The following MAPK10 variants were observed in gnomAD, a reference collection of about 807,000 sequenced individuals.
The protein encoded by MAPK10 is mitogen-activated protein kinase 10.
MAPK10 carries 25 observed loss-of-function variants against 59.3 expected under a neutral mutation model. That is an observed-to-expected ratio of 0.42 (90% CI 0.31 to 0.59). The LOEUF (loss-of-function observed/expected upper bound fraction) is 0.59, where lower values mean the gene tolerates loss of function less well. Among genes scored for constraint, MAPK10 ranks in the 20% least tolerant of loss-of-function variants. The pLI is 0.15. For missense variants in MAPK10, 351 were observed against 568.9 expected (o/e 0.62, Z 3.90); for synonymous variants, 190 against 200.5 (o/e 0.95, Z 0.44).
At chr4:86,078,014 T>G (rs1187090076) in intron 9 of MAPK10, among the ~76,000 whole-genome samples, 1 of 152,178 alleles carries the variant, frequency 6.6e-6, no homozygotes, top group East Asian at 1.9e-4. Context: ...ACTTGAATAT[T>G]CGTAACGCAG....
At chr4:86,250,099 T>C (rs2093335972) in intron 2 of MAPK10, among the ~76,000 whole-genome samples, 1 of 152,196 alleles carries the variant, frequency 6.6e-6, no homozygotes. Flanking sequence ...AAGAGGATGA[T>C]GGACTAAAAA....
At chr4:86,413,236 C>T (rs1442551653) in intron 1 of MAPK10, among the ~76,000 whole-genome samples, 1 of 152,166 alleles carries the variant, frequency 6.6e-6, no homozygotes, top group African/African-American at 2.4e-5. Flanking sequence ...CCAGCAGAGA[C>T]TGCAGAACAG....
intron 1 of MAPK10, among the ~76,000 whole-genome samples, chr4:86,546,556 T>TA (rs11386733): frequency 0.7 from 96,100 of 136,862 alleles, 33,288 homozygotes; most frequent in South Asian, 0.83. Flanking sequence ...AAACTCCTTC[T>TA]AAAAAAAAAA....
At chr4:86,560,031 C>T (rs370566381) in intron 1 of MAPK10, among the ~76,000 whole-genome samples, 98 of 151,346 alleles carry the variant, frequency 6.5e-4, no homozygotes, top group Non-Finnish European at 1.3e-3. Context: ...CACTAAATAT[C>T]ATGTTGTATT....
In MAPK10 at chr4:86,287,732, A is replaced by G. The variant is rs138551710; in HGVS notation, c.-7+66798T>C. 6.1e-3 allele frequency among the ~76,000 whole-genome samples: 925 copies of G among 152,316 alleles called. 13 individuals are homozygous for G. Among genetic ancestry groups the G allele is most frequent in the African/African-American group, 0.021 (882 of 41,570 alleles). ...AGAAAACCCAATCACTACCAGAAAT[A>G]ATTCAAGTTAGGATAATGTTCAATA... On this transcript the variant is annotated intron_variant, in intron 2 of 13. Transcript: ENST00000641462.
chr4:86,548,757 CCA>C (rs899780271), intron 1 of MAPK10, among the ~76,000 whole-genome samples: 4 of 152,132 alleles, frequency 2.6e-5, no homozygotes, highest in African/African-American at 9.7e-5. Context: ...ACTCTCAGTG[CCA>C]CTCTGACCCT....
chr4:86,079,355 T>G (rs539492512), intron 9 of MAPK10: 50 of 152,222 alleles, frequency 3.3e-4, no homozygotes, highest in Non-Finnish European at 5.7e-4. Context: ...TGGAGAGACA[T>G]GTAACATATA....
chr4:86,206,753 T>C (rs1434764216), intron 2 of MAPK10, among the ~76,000 whole-genome samples: 1 of 152,198 alleles, frequency 6.6e-6, no homozygotes, highest in African/African-American at 2.4e-5. Context: ...TGGTGTGAGA[T>C]GGTATCTCAT....
At chr4:86,162,550 A>G (rs2070149395) in intron 3 of MAPK10, among the ~76,000 whole-genome samples, 1 of 151,962 alleles carries the variant, frequency 6.6e-6, no homozygotes. Context: ...CCTTTGTGAT[A>G]GTTTTTACCA....
chr4:86,040,033 G>A (rs565905260), intron 11 of MAPK10, among the ~76,000 whole-genome samples: 2 of 152,252 alleles, frequency 1.3e-5, no homozygotes, highest in East Asian at 3.9e-4. Flanking sequence ...CCCAGACAAA[G>A]CCAGTCTGCA....
chr4:86,267,275 A>C (rs1029005325), intron 2 of MAPK10, among the ~76,000 whole-genome samples: 2 of 152,198 alleles, frequency 1.3e-5, no homozygotes, highest in African/African-American at 4.8e-5. Context: ...GCCAAAATAA[A>C]GTTTCTAACA....
chr4:86,390,964 T>C (rs1742107671), intron 1 of MAPK10, among the ~76,000 whole-genome samples: 1 of 152,372 alleles, frequency 6.6e-6, no homozygotes, highest in African/African-American at 2.4e-5. Flanking sequence ...ACATAATTGC[T>C]ATCTGAGAAG....
At chr4:86,328,033 G>A (rs555701374) in intron 2 of MAPK10, among the ~76,000 whole-genome samples, 3 of 152,202 alleles carry the variant, frequency 2.0e-5, no homozygotes, top group Admixed American at 2.0e-4. Context: ...CAAACTTCAG[G>A]TGTTGCCACT....
intron 1 of MAPK10, among the ~76,000 whole-genome samples, chr4:86,589,891 G>A (rs1260463358): frequency 6.6e-6 from 1 of 151,652 alleles, no homozygotes; most frequent in African/African-American, 2.4e-5. Flanking sequence ...GGCTGAGGCA[G>A]GAGAATGGCG....
intron 9 of MAPK10, among the ~76,000 whole-genome samples, chr4:86,083,016 A>T (rs2050983261): frequency 6.6e-6 from 1 of 152,166 alleles, no homozygotes; most frequent in Non-Finnish European, 1.5e-5. Context: ...CATATACTTA[A>T]AATACCTACT....
chr4:86,277,655 G>A (rs1211311963), intron 2 of MAPK10, among the ~76,000 whole-genome samples: 11 of 152,120 alleles, frequency 7.2e-5, no homozygotes, highest in Admixed American at 7.2e-4. Flanking sequence ...GTTACACAGA[G>A]TAAGATGCTT....
intron 2 of MAPK10, among the ~76,000 whole-genome samples, chr4:86,348,364 C>G (rs565669851): frequency 6.6e-6 from 1 of 152,244 alleles, no homozygotes; most frequent in East Asian, 1.9e-4. Context: ...CTGTCAGGCT[C>G]AAGTGAACTA....
rs370427742 is a variant in MAPK10 at position 86,432,269 on chromosome 4, G to GTTTGT, written c.-122+20756_-122+20760dup. On this transcript the variant is annotated intron_variant, in intron 1 of 13. Transcript: ENST00000361569. ...CATAAGAATTGTTTTTTGCTTGTTT[G>GTTTGT]TTTGTTTTGTTTTGTTTTGTTTGGA... Among the ~76,000 whole-genome samples the GTTTGT allele has an allele frequency of 1.6e-4, 24 of 152,118 alleles. 1 individual carries two copies. Among genetic ancestry groups the GTTTGT allele is most frequent in the East Asian group, 5.8e-4 (3 of 5,162 alleles).
intron 2 of MAPK10, among the ~76,000 whole-genome samples, chr4:86,263,426 T>G (rs1194668113): frequency 1.3e-5 from 2 of 152,212 alleles, no homozygotes; most frequent in Admixed American, 1.3e-4. Flanking sequence ...AGTATGATGA[T>G]AAATACTATT....
Sources: allele counts gnomAD v4.1 joint callset (sites outside exome capture counted in the v4.1 genomes callset), GRCh38; gene constraint gnomAD v4.1.1; transcripts MANE v1.5; gene names NCBI Gene and HGNC (gene_info 2026-07-23, HGNC 2026-07-21).